USH2A: variants seen among roughly 807,000 people sequenced by gnomAD.
The protein encoded by USH2A is Usher syndrome 2A (autosomal recessive, mild).
In USH2A, 443 loss-of-function variants were observed where a neutral mutation model predicts 538.9. The observed-to-expected ratio is 0.82, with a 90% CI of 0.76 to 0.89. USH2A has a LOEUF of 0.89. Ranked by LOEUF, USH2A falls within the 40% of genes least tolerant of loss-of-function variation. The pLI, the probability that USH2A is intolerant of heterozygous loss-of-function variation, is 0.00. For synonymous variants in USH2A, 2,413 were observed against 2,273.5 expected (o/e 1.06, Z -1.75); for missense variants, 6,633 against 6,324.8 (o/e 1.05, Z -1.65).
At position 215,623,153 on chromosome 1, in the gene USH2A, T is replaced by TATAAA. The variant is rs1655857366; in HGVS notation, c.*2623_*2627dup. On this transcript the variant is annotated 3_prime_UTR_variant, in exon 72 of 72. Transcript: ENST00000307340. Reference sequence around the variant, plus strand: ...GATTATAAACACATTTCTTAGAGTGTATAAAAACAACTGTACTCTTACCAA... The same window carrying TATAAA: ...GATTATAAACACATTTCTTAGAGTGTATAAAATAAAAACAACTGTACTCTTACCAA... The TATAAA allele has an allele frequency of 6.6e-6, 1 of 152,094 alleles. No homozygotes were observed. The highest frequency in any genetic ancestry group is 2.4e-5 in the African/African-American group (1 of 41,438). The allele number at this position is 152,094 out of a possible 1,614,324, so 9.4% of individuals were successfully genotyped here.
intron 30 of USH2A, among the ~76,000 whole-genome samples, chr1:216,051,771 T>G (rs1012849832): frequency 6.6e-6 from 1 of 152,218 alleles, no homozygotes; most frequent in Admixed American, 6.5e-5. Flanking sequence ...ATCATTAGCA[T>G]GAAGATGTGT....
chr1:216,331,042 C>T (rs1486531626), intron 4 of USH2A, among the ~76,000 whole-genome samples: 1 of 151,940 alleles, frequency 6.6e-6, no homozygotes, highest in East Asian at 1.9e-4. Context: ...AATTTTGGAG[C>T]TTGCAATCAT....
At chr1:215,904,750 C>T (rs1235806989) in intron 38 of USH2A, among the ~76,000 whole-genome samples, 3 of 152,044 alleles carry the variant, frequency 2.0e-5, no homozygotes, top group Non-Finnish European at 2.9e-5. Context: ...ACTAATTCTA[C>T]ACAGCGACTA....
chr1:215,682,102 T>C (rs1658252973), intron 61 of USH2A, among the ~76,000 whole-genome samples: 1 of 152,150 alleles, frequency 6.6e-6, no homozygotes, highest in Non-Finnish European at 1.5e-5. Context: ...TTACAAACAC[T>C]CTTTTCTGAT....
chr1:215,696,793 G>A (rs907353043), intron 61 of USH2A, among the ~76,000 whole-genome samples: 4 of 152,156 alleles, frequency 2.6e-5, no homozygotes, highest in Non-Finnish European at 5.9e-5. Context: ...CTTGAGCCCA[G>A]GTCAAGGATA....
chr1:215,757,370 T>C (rs776162121), intron 58 of USH2A, among the ~76,000 whole-genome samples: 22 of 152,224 alleles, frequency 1.4e-4, no homozygotes, highest in East Asian at 1.9e-4. Context: ...CTTTACGCTC[T>C]CTTTATAGCT....
chr1:215,700,208 C>A (rs752407438), intron 61 of USH2A, among the ~76,000 whole-genome samples: 1 of 152,106 alleles, frequency 6.6e-6, no homozygotes, highest in Admixed American at 6.5e-5. Flanking sequence ...ATTTGATTTG[C>A]CAGTATTTTA....
At chr1:215,939,607 G>T (rs1666585725) in intron 37 of USH2A, among the ~76,000 whole-genome samples, 1 of 151,962 alleles carries the variant, frequency 6.6e-6, no homozygotes, top group Non-Finnish European at 1.5e-5. Context: ...CAGCATAAAT[G>T]GATATTTTCA....
At chr1:216,351,179 G>A (rs1339624002) in intron 4 of USH2A, among the ~76,000 whole-genome samples, 1 of 152,070 alleles carries the variant, frequency 6.6e-6, no homozygotes, top group African/African-American at 2.4e-5. Context: ...ATATTATAGA[G>A]GGAAAAACAG....
At chr1:215,656,458 T>C (rs956314506) in intron 64 of USH2A, among the ~76,000 whole-genome samples, 3 of 152,238 alleles carry the variant, frequency 2.0e-5, no homozygotes, top group African/African-American at 7.2e-5. Context: ...CAAGCTGATG[T>C]CTATTTGGTC....
intron 47 of USH2A, among the ~76,000 whole-genome samples, chr1:215,825,517 C>A (rs991802438): frequency 1.3e-5 from 2 of 152,144 alleles, no homozygotes; most frequent in Non-Finnish European, 2.9e-5. Context: ...TTTAACATTT[C>A]ATTCTAATAT....
intron 38 of USH2A, among the ~76,000 whole-genome samples, chr1:215,904,241 G>A (rs975682122): frequency 6.6e-6 from 1 of 152,042 alleles, no homozygotes; most frequent in African/African-American, 2.4e-5. Context: ...AACCCCTTAT[G>A]TGTTAAAAAC....
At chr1:216,052,447 T>A (rs1470237030) in intron 30 of USH2A, among the ~76,000 whole-genome samples, 2 of 152,064 alleles carry the variant, frequency 1.3e-5, no homozygotes, top group East Asian at 1.9e-4. Flanking sequence ...AGGTTTTAGA[T>A]GGCTTGTAAA....
chr1:215,709,664 A>C (rs1048583055), intron 61 of USH2A, among the ~76,000 whole-genome samples: 2 of 151,784 alleles, frequency 1.3e-5, no homozygotes, highest in Non-Finnish European at 2.9e-5. Flanking sequence ...AAAAAAAAAA[A>C]AAAAAACTCA....
intron 32 of USH2A, among the ~76,000 whole-genome samples, chr1:216,009,914 A>G (rs1186555203): frequency 6.6e-6 from 1 of 152,198 alleles, no homozygotes; most frequent in Non-Finnish European, 1.5e-5. Flanking sequence ...GATAGCGTTT[A>G]GGCTGTTTTT....
At chr1:216,016,251 G>C (rs1402848724) in intron 32 of USH2A, among the ~76,000 whole-genome samples, 1 of 152,036 alleles carries the variant, frequency 6.6e-6, no homozygotes, top group Non-Finnish European at 1.5e-5. Flanking sequence ...TAAATGACGA[G>C]TTAACAAGTG....
chr1:215,632,792 A>G (rs1656325696), intron 70 of USH2A, among the ~76,000 whole-genome samples: 1 of 152,188 alleles, frequency 6.6e-6, no homozygotes, highest in South Asian at 2.1e-4. Context: ...CTCCTTAAAG[A>G]AAGTTATTCT....
At chr1:216,013,019 C>G (rs1373652712) in intron 32 of USH2A, among the ~76,000 whole-genome samples, 8 of 152,208 alleles carry the variant, frequency 5.3e-5, no homozygotes, top group Admixed American at 5.2e-4. Flanking sequence ...GACATCTCCT[C>G]ATGCTATCCC....
At chr1:216,293,824 G>A (rs879809610) in intron 9 of USH2A, among the ~76,000 whole-genome samples, 7 of 152,084 alleles carry the variant, frequency 4.6e-5, no homozygotes, top group Non-Finnish European at 1.0e-4. Flanking sequence ...AAACGTGATC[G>A]GTCACTGATC....
Sources: allele counts gnomAD v4.1 joint callset (sites outside exome capture counted in the v4.1 genomes callset), GRCh38; gene constraint gnomAD v4.1.1; transcripts MANE v1.5; gene names NCBI Gene and HGNC (gene_info 2026-07-23, HGNC 2026-07-21).